ABCA10: variants seen among roughly 807,000 people sequenced by gnomAD.
ABCA10 encodes ATP-binding cassette sub-family A member 10.
ABCA10 carries 169 observed loss-of-function variants against 187.5 expected under a neutral mutation model. The observed-to-expected ratio is 0.90, with a 90% CI of 0.80 to 1.02. The LOEUF (loss-of-function observed/expected upper bound fraction) is 1.02. Ranked by LOEUF, ABCA10 falls within the 50% of genes least tolerant of loss-of-function variation. The pLI is 0.00. For synonymous variants in ABCA10, 574 were observed against 601.8 expected, an observed-to-expected ratio of 0.95 and a Z score of 0.68; for missense variants, 1,727 against 1,812.4, an observed-to-expected ratio of 0.95 and a Z score of 0.86.
chr17:69,155,022 T>C lies in ABCA10; in HGVS notation c.3691A>G (p.Lys1231Glu). ...TAAAAGGAACAATTGTTCAAACCTT[T>C]TTTAACACAAAAGGAAACATTTCTG... Reference protein sequence around the residue: ...AIRNVSFCVKKGEVLGLLGHN... With the variant: ...AIRNVSFCVKEGEVLGLLGHN... The change falls in exon 30 of 39, where the codon AAA (lysine) becomes GAA (glutamate). Residue 1231 changes from lysine to glutamate, a missense_variant. Physicochemically the swap from Lys to Glu is moderately conservative, Grantham distance 56. Coordinates refer to ENST00000690296, the MANE Select transcript of ABCA10 (RefSeq NM_001377321.1). 1 of 1,583,964 alleles carries C rather than the reference T, an allele frequency of 6.3e-7. No homozygotes were observed. Among genetic ancestry groups the C allele is most frequent in the Non-Finnish European group, 8.7e-7 (1 of 1,155,982 alleles).
intron 9 of ABCA10, among the ~76,000 whole-genome samples, chr17:69,207,310 C>A (rs1382404737): frequency 1.3e-5 from 2 of 152,084 alleles, no homozygotes; most frequent in East Asian, 3.9e-4. Flanking sequence ...ATTAGTACAA[C>A]CATTATGAAA....
chr17:69,222,766 A>G (rs537811394), intron 3 of ABCA10, 69 bp from the exon 4 acceptor site: 1 of 1,372,012 alleles, frequency 7.3e-7, no homozygotes, highest in African/African-American at 1.5e-5. Context: ...AAAACAAAAT[A>G]CAGTTGCTTG....
At chr17:69,234,913 CTTG>C (rs2074856765) in intron 1 of ABCA10, 2 of 152,168 alleles carry the variant, frequency 1.3e-5, no homozygotes, top group Non-Finnish European at 2.9e-5. Context: ...TAAAATGCCA[CTTG>C]TTTTTTGCTC....
chr17:69,177,170 A>T (rs1220834839), intron 22 of ABCA10, among the ~76,000 whole-genome samples: 2 of 152,182 alleles, frequency 1.3e-5, no homozygotes, highest in East Asian at 3.9e-4. Context: ...AAAAACTAAT[A>T]CTAGCATCTC....
chr17:69,197,010 G>A (rs1183225125), intron 11 of ABCA10, 54 bp downstream of exon 11: 2 of 1,170,708 alleles, frequency 1.7e-6, no homozygotes, highest in African/African-American at 4.0e-5. Context: ...CGTGGACAGA[G>A]GGAGGGGGAG....
intron 3 of ABCA10, among the ~76,000 whole-genome samples, chr17:69,224,470 G>A (rs1249180438): frequency 1.3e-5 from 2 of 152,068 alleles, no homozygotes. Flanking sequence ...AGGAGCAAAG[G>A]CCTCTATGGA....
In ABCA10 at chr17:69,191,208, C is replaced by A; in HGVS notation, c.1979G>T (p.Ser660Ile). The A allele has an allele frequency of 6.3e-7, 1 of 1,597,808 alleles. No individual in the cohort carries two copies. Among genetic ancestry groups the A allele is most frequent in the Non-Finnish European group, 8.5e-7 (1 of 1,171,150 alleles). Residue 660 changes from serine to isoleucine, a missense_variant, in exon 17 of 39, where the codon AGT (serine) becomes ATT (isoleucine). Physicochemically the swap from Ser to Ile is moderately radical, Grantham distance 142 (BLOSUM62 -2). Transcript: ENST00000690296. ...TTESEEKLVY[S>I]LPLEKTNKFP... ...TTTGTTCGTTTTTTCCAAAGGCAAACTATATACAAGTTTTTCTTCACTTTC... is the reference window on the plus strand; with the variant it reads ...TTTGTTCGTTTTTTCCAAAGGCAAAATATATACAAGTTTTTCTTCACTTTC...
intron 22 of ABCA10, among the ~76,000 whole-genome samples, chr17:69,180,399 AAACT>A (rs2074370931): frequency 6.6e-6 from 1 of 152,228 alleles, no homozygotes; most frequent in Non-Finnish European, 1.5e-5. Context: ...AAACAATGAC[AAACT>A]GAGTCTGAAC....
Position 69,185,499 on chromosome 17 carries a change from G to T in ABCA10, c.2475C>A (p.Ser825Arg). 3 of 1,612,940 alleles carry T rather than the reference G, an allele frequency of 1.9e-6. No individual in the cohort carries two copies. The highest frequency in any genetic ancestry group is 2.5e-6 in the Non-Finnish European group (3 of 1,179,436). ...CACCTGTATTATTAACGATTAACAG[G>T]CTGGTAAGAGGCGTCTTCGGGATTT... Reference protein sequence around the residue: ...LEQIPKTPLTSLLIVNNTGSN... With the variant: ...LEQIPKTPLTRLLIVNNTGSN... Residue 825 changes from serine (S) to arginine (R), a missense_variant, in exon 20 of 39, where the codon AGC becomes AGA. Coordinates refer to ENST00000690296, the MANE Select transcript of ABCA10 (RefSeq NM_001377321.1).
At chr17:69,174,419 A>G in intron 24 of ABCA10, 25 bp from the exon 25 acceptor site, 1 of 1,545,084 alleles carries the variant, frequency 6.5e-7, no homozygotes, top group Non-Finnish European at 8.8e-7. Flanking sequence ...GATCAATGGC[A>G]AGATTAGAAA....
chr17:69,210,056 C>A (rs1247479937), intron 9 of ABCA10, among the ~76,000 whole-genome samples: 1 of 148,022 alleles, frequency 6.8e-6, no homozygotes, highest in Admixed American at 6.8e-5. Context: ...CATTTAAAAG[C>A]CATCTGTAGA....
upstream of ABCA10, chr17:69,233,629 G>A (rs2074845709): frequency 6.6e-6 from 1 of 152,176 alleles, no homozygotes; most frequent in African/African-American, 2.4e-5. Flanking sequence ...TTGTGGATGT[G>A]TGACAATGTC....
At chr17:69,210,166 ATTTCT>A (rs2074628341) in intron 9 of ABCA10, among the ~76,000 whole-genome samples, 3 of 56,228 alleles carry the variant, frequency 5.3e-5, no homozygotes, top group Non-Finnish European at 1.1e-4. Flanking sequence ...TTTAGTGGTT[ATTTCT>A]TTTTTTTTTT....
chr17:69,223,542 C>T lies in ABCA10; in HGVS notation c.35-845G>A, dbSNP rs945764201. 23 of 324,210 alleles carry T rather than the reference C, an allele frequency of 7.1e-5. No homozygotes were observed. In the East Asian group the frequency reaches 2.3e-3, roughly 33 times the overall value. The allele number at this position is 324,210 out of a possible 1,614,324, so 20.1% of individuals were successfully genotyped here. A position where few individuals can be genotyped will look rare whatever the true frequency, so the allele number is the denominator to read the frequency against. On this transcript the variant is annotated intron_variant, in intron 3 of 38. Coordinates refer to ENST00000690296, the MANE Select transcript of ABCA10 (RefSeq NM_001377321.1). ...CTTTTTCACGTTTATGTATTATGTTCTAAAAATTTTATTAACTTTGTATCT... is the reference window on the plus strand; with the variant it reads ...CTTTTTCACGTTTATGTATTATGTTTTAAAAATTTTATTAACTTTGTATCT...
At chr17:69,151,630 G>C (rs1156279721) in intron 36 of ABCA10, among the ~76,000 whole-genome samples, 1 of 152,166 alleles carries the variant, frequency 6.6e-6, no homozygotes, top group Non-Finnish European at 1.5e-5. Context: ...ATTTAGGATA[G>C]AGTCAATCCT....
intron 9 of ABCA10, among the ~76,000 whole-genome samples, chr17:69,211,333 ATAT>A (rs2074652724): frequency 9.0e-6 from 1 of 111,592 alleles, no homozygotes; most frequent in African/African-American, 5.6e-5. Flanking sequence ...ATATATATAT[ATAT>A]ATATATATAT....
intron 27 of ABCA10, among the ~76,000 whole-genome samples, chr17:69,160,513 A>C (rs754653568): frequency 1.3e-5 from 2 of 152,160 alleles, no homozygotes; most frequent in Non-Finnish European, 2.9e-5. Flanking sequence ...AGGCTGAAGC[A>C]GGAGAATCAC....
At chr17:69,215,551 G>C (rs2074697120) in intron 8 of ABCA10, 2 of 287,462 alleles carry the variant, frequency 7.0e-6, no homozygotes, top group Non-Finnish European at 1.3e-5. Context: ...TCTTTAAAGG[G>C]GGACACAAAC....
intron 1 of ABCA10, among the ~76,000 whole-genome samples, chr17:69,236,896 A>C (rs2074875387): frequency 6.6e-6 from 1 of 152,204 alleles, no homozygotes; most frequent in South Asian, 2.1e-4. Flanking sequence ...TCCAGCCCAA[A>C]ATGTCAATAG....
Sources: gnomAD v4.1 joint callset for allele counts (sites outside exome capture counted in the v4.1 genomes callset) on GRCh38, gnomAD v4.1.1 for gene constraint, MANE v1.5 for transcripts, NCBI Gene and HGNC (gene_info 2026-07-23, HGNC 2026-07-21) for gene names.